PTPRD: variants seen among roughly 807,000 people sequenced by gnomAD.
PTPRD encodes protein tyrosine phosphatase receptor type D.
A neutral mutation model predicts 214.5 loss-of-function variants in PTPRD; 34 were observed. The observed-to-expected ratio is 0.16, with a 90% CI of 0.12 to 0.21. PTPRD has a LOEUF of 0.21. Ranked by LOEUF, PTPRD falls within the 10% of genes least tolerant of loss-of-function variation. The pLI is 1.00. For missense variants in PTPRD, 2,545 were observed against 2,398.7 expected, an observed-to-expected ratio of 1.06 and a Z score of -1.27; for synonymous variants, 1,128 against 845.7, an observed-to-expected ratio of 1.33 and a Z score of -5.79.
rs148823747 is a variant in PTPRD at position 10,138,583 on chromosome 9, A to C, written c.-544-104793T>G. Among the ~76,000 whole-genome samples, 4 of 152,234 alleles carry C rather than the reference A, an allele frequency of 2.6e-5. No homozygotes were observed. In the East Asian group the frequency reaches 7.7e-4, roughly 29 times the overall value. Reference sequence around the variant, plus strand: ...ATTCTATGAAGCCAACATCATCCTGAAACCAAAATCTCACAGAGACACAAT... The same window carrying C: ...ATTCTATGAAGCCAACATCATCCTGCAACCAAAATCTCACAGAGACACAAT... On this transcript the variant is annotated intron_variant, in intron 3 of 45. Transcript: ENST00000381196.
At chr9:10,422,663 T>C (rs994273167) in intron 2 of PTPRD, among the ~76,000 whole-genome samples, 3 of 152,086 alleles carry the variant, frequency 2.0e-5, no homozygotes, top group Non-Finnish European at 4.4e-5. Context: ...CACACACTTC[T>C]GAAAAGAAGA....
chr9:8,570,442 A>G (rs1480695907), intron 14 of PTPRD, among the ~76,000 whole-genome samples: 1 of 152,188 alleles, frequency 6.6e-6, no homozygotes, highest in East Asian at 1.9e-4. Context: ...CCTTTAACAA[A>G]AAAGCTTTCA....
At chr9:9,997,652 G>C (rs528367666) in intron 4 of PTPRD, among the ~76,000 whole-genome samples, 2 of 152,272 alleles carry the variant, frequency 1.3e-5, no homozygotes, top group Non-Finnish European at 2.9e-5. Flanking sequence ...AGAGTAAAAA[G>C]AGTTCTTGGT....
chr9:9,678,480 G>C (rs1300780190), intron 7 of PTPRD, among the ~76,000 whole-genome samples: 1 of 151,724 alleles, frequency 6.6e-6, no homozygotes, highest in Non-Finnish European at 1.5e-5. Context: ...ACGATTCCCA[G>C]TTTATGTAAT....
At chr9:8,812,430 C>A (rs2096828395) in intron 11 of PTPRD, among the ~76,000 whole-genome samples, 1 of 152,160 alleles carries the variant, frequency 6.6e-6, no homozygotes, top group South Asian at 2.1e-4. Context: ...AATTAAGAAT[C>A]CCCTGCTTTG....
At chr9:10,385,111 A>G (rs956352771) in intron 2 of PTPRD, among the ~76,000 whole-genome samples, 1 of 151,860 alleles carries the variant, frequency 6.6e-6, no homozygotes, top group Admixed American at 6.6e-5. Flanking sequence ...ATATTGTAGT[A>G]TTAGGTTCTT....
chr9:8,980,602 TC>T (rs2154340011), intron 11 of PTPRD, among the ~76,000 whole-genome samples: 2 of 152,166 alleles, frequency 1.3e-5, no homozygotes, highest in South Asian at 4.1e-4. Flanking sequence ...CTCAGAAAAT[TC>T]CCCAAGGACA....
intron 11 of PTPRD, among the ~76,000 whole-genome samples, chr9:8,749,971 C>T (rs1220639650): frequency 1.3e-5 from 2 of 151,820 alleles, no homozygotes; most frequent in African/African-American, 2.4e-5. Context: ...GCTGTGGTGG[C>T]GGTCGCCTGT....
At chr9:9,878,687 T>C (rs10121247) in intron 5 of PTPRD, among the ~76,000 whole-genome samples, 3,783 of 152,268 alleles carry the variant, frequency 0.025, 60 homozygotes, top group Middle Eastern at 0.044. Context: ...GAATGAACTG[T>C]CTTTAAGCAT....
At chr9:8,424,719 A>T (rs1312181740) in intron 35 of PTPRD, among the ~76,000 whole-genome samples, 1 of 152,128 alleles carries the variant, frequency 6.6e-6, no homozygotes, top group African/African-American at 2.4e-5. Flanking sequence ...GAGAAGGGGA[A>T]TAAAAGAATG....
chr9:10,003,883 C>T (rs1002074168), intron 4 of PTPRD, among the ~76,000 whole-genome samples: 1 of 151,404 alleles, frequency 6.6e-6, no homozygotes, highest in African/African-American at 2.4e-5. Flanking sequence ...CCGACATACC[C>T]GATTTATTTG....
rs35523026 is a variant in PTPRD at position 9,395,187 on chromosome 9, CA to C, written c.-203+2261del. ...TGCTGACCCTCCCAGGAACATGAAA[CA>C]AAAAAAAAAAAAAGTATGGGGTCTA... On this transcript the variant is annotated intron_variant, in intron 9 of 45. Transcript: ENST00000381196. Among the ~76,000 whole-genome samples the C allele has an allele frequency of 1.5e-3, 218 of 141,586 alleles. 1 individual carries two copies. Among genetic ancestry groups the C allele is most frequent in the Admixed American group, 6.3e-3 (89 of 14,186 alleles). The allele number at this position is 141,586 out of a possible 152,430, so 92.9% of individuals were successfully genotyped here. A position where few individuals can be genotyped will look rare whatever the true frequency, so the allele number is the denominator to read the frequency against.
chr9:8,931,428 T>C (rs2098951743), intron 11 of PTPRD, among the ~76,000 whole-genome samples: 2 of 152,168 alleles, frequency 1.3e-5, no homozygotes, highest in African/African-American at 4.8e-5. Flanking sequence ...TGGCTTAGGA[T>C]TGACTTGGTA....
intron 4 of PTPRD, among the ~76,000 whole-genome samples, chr9:9,974,275 A>G (rs1010916850): frequency 5.3e-5 from 8 of 152,236 alleles, no homozygotes; most frequent in Admixed American, 3.3e-4. Context: ...TAAAACCACC[A>G]GGTAAATACA....
At chr9:8,966,541 A>G (rs372763446) in intron 11 of PTPRD, among the ~76,000 whole-genome samples, 119 of 152,252 alleles carry the variant, frequency 7.8e-4, no homozygotes, top group South Asian at 7.7e-3. Flanking sequence ...TGGTATTGAG[A>G]CAACTGGCCA....
intron 8 of PTPRD, among the ~76,000 whole-genome samples, chr9:9,470,512 G>C (rs906417970): frequency 6.6e-6 from 1 of 152,140 alleles, no homozygotes; most frequent in African/African-American, 2.4e-5. Context: ...TAGAATTTTA[G>C]TCAACTGATA....
intron 3 of PTPRD, among the ~76,000 whole-genome samples, chr9:10,144,949 G>A (rs570218389): frequency 6.6e-6 from 1 of 151,884 alleles, no homozygotes; most frequent in South Asian, 2.1e-4. Context: ...AGAAAAGTAG[G>A]TAAGACTTGC....
chr9:8,616,946 T>C (rs2095631722), intron 14 of PTPRD, among the ~76,000 whole-genome samples: 1 of 152,148 alleles, frequency 6.6e-6, no homozygotes, highest in Non-Finnish European at 1.5e-5. Flanking sequence ...CATATAGAAG[T>C]TCAGTTGGTA....
At chr9:8,340,229 G>C (rs1588103303) in intron 42 of PTPRD, 114 bp downstream of exon 42, 1 of 1,219,050 alleles carries the variant, frequency 8.2e-7, no homozygotes, top group Non-Finnish European at 1.1e-6. Flanking sequence ...ATTATGTCCA[G>C]AGTGCACTGC....
Sources: gnomAD v4.1 joint callset for allele counts (sites outside exome capture counted in the v4.1 genomes callset) on GRCh38, gnomAD v4.1.1 for gene constraint, MANE v1.5 for transcripts, NCBI Gene and HGNC (gene_info 2026-07-23, HGNC 2026-07-21) for gene names.